The following SNTG2 variants were observed in gnomAD, a reference collection of about 807,000 sequenced individuals.
SNTG2 encodes gamma-2-syntrophin.
In SNTG2, 74 loss-of-function variants were observed where a neutral mutation model predicts 70.9. That is an observed-to-expected ratio of 1.04 (90% confidence interval 0.86 to 1.27). The LOEUF is 1.27. Ranked by LOEUF, SNTG2 falls within the 50% of genes most tolerant of loss-of-function variation. SNTG2 has a pLI of 0.00. For missense variants in SNTG2, 717 were observed against 690.7 expected (o/e 1.04, Z -0.43); for synonymous variants, 278 against 273.8 (o/e 1.02, Z -0.15).
At position 1,259,396 on chromosome 2, in the gene SNTG2, A is replaced by C; in HGVS notation, c.1032A>C (p.Ala344=). The C allele has an allele frequency of 6.2e-7, 1 of 1,614,068 alleles. No individual in the cohort carries two copies. The highest frequency in any genetic ancestry group is 1.1e-5 in the South Asian group (1 of 91,080). Residue 344 remains alanine, a synonymous_variant, in exon 13 of 17, where the codon GCA becomes GCC. Coordinates refer to ENST00000308624, the MANE Select transcript of SNTG2 (RefSeq NM_018968.4). The part of the protein sequence containing the change: ...PPVSTFDWVR[A]ERTYHLCEVL... ...TGAGCACATTCGATTGGGTGCGAGC[A>C]GAAAGGACCTATCACCTCTGTGAGG...
chr2:1,122,123 C>T (rs533986762), intron 4 of SNTG2, among the ~76,000 whole-genome samples: 1 of 152,196 alleles, frequency 6.6e-6, no homozygotes, highest in South Asian at 2.1e-4. Flanking sequence ...CAAATCCTTT[C>T]AACAAAAGAA....
chr2:1,069,661 C>T (rs1465804861), intron 1 of SNTG2, among the ~76,000 whole-genome samples: 4 of 151,962 alleles, frequency 2.6e-5, no homozygotes, highest in South Asian at 2.1e-4. Flanking sequence ...CAGGATGACA[C>T]GTGCCTGTAG....
rs1041033533 is a variant in SNTG2 at position 1,137,937 on chromosome 2, G to A, written c.411+128G>A. The stretch of plus-strand genomic sequence containing the variant: ...TTAGAATTGGAAAGAAAGCTCAAAG[G>A]TTTAGTAAATCATGTTACAAAAGGA... On this transcript the variant is annotated intron_variant, in intron 6 of 16. Coordinates refer to ENST00000308624, the MANE Select transcript of SNTG2 (RefSeq NM_018968.4). 3.2e-5 allele frequency: 31 copies of A among 961,064 alleles called. 1 individual carries two copies. In the South Asian group the frequency reaches 4.2e-4, roughly 13 times the overall value. 59.5% of individuals were successfully genotyped at this position (961,064 alleles called of 1,614,324 possible).
intron 12 of SNTG2, among the ~76,000 whole-genome samples, chr2:1,253,863 CG>C (rs1396519583): frequency 6.6e-6 from 1 of 151,560 alleles, no homozygotes; most frequent in African/African-American, 2.4e-5. Flanking sequence ...AGAGAGGGAG[CG>C]GGAGGAGATG....
chr2:1,155,221 A>C, intron 6 of SNTG2, among the ~76,000 whole-genome samples: 2 of 148,862 alleles, frequency 1.3e-5, no homozygotes, highest in South Asian at 4.3e-4. Context: ...CACACACATA[A>C]ACACCATGCA....
chr2:1,111,219 T>C (rs1220253487), intron 4 of SNTG2, among the ~76,000 whole-genome samples: 1 of 152,180 alleles, frequency 6.6e-6, no homozygotes, highest in East Asian at 1.9e-4. Flanking sequence ...TAATATAAAA[T>C]GGACTTAGTA....
At chr2:995,243 AC>A (rs1661640317) in intron 1 of SNTG2, among the ~76,000 whole-genome samples, 1 of 151,902 alleles carries the variant, frequency 6.6e-6, no homozygotes, top group African/African-American at 2.4e-5. Flanking sequence ...TCTGTTTTAT[AC>A]CTAGTTTGAT....
chr2:1,281,001 C>T (rs1679486479), intron 14 of SNTG2, among the ~76,000 whole-genome samples: 1 of 152,246 alleles, frequency 6.6e-6, no homozygotes, highest in African/African-American at 2.4e-5. Context: ...CCTTATCTAA[C>T]ATCGGTGCCC....
At chr2:1,095,467 C>A (rs555342565) in intron 2 of SNTG2, among the ~76,000 whole-genome samples, 15 of 152,208 alleles carry the variant, frequency 9.9e-5, no homozygotes, top group African/African-American at 1.9e-4. Flanking sequence ...GAGAACAAGC[C>A]CTTCACATTC....
intron 4 of SNTG2, among the ~76,000 whole-genome samples, chr2:1,110,255 A>G (rs1666354363): frequency 6.6e-6 from 1 of 152,120 alleles, no homozygotes; most frequent in Non-Finnish European, 1.5e-5. Flanking sequence ...CCCTTTTCAT[A>G]CCAAAGTCAC....
chr2:968,379 T>G (rs1354733046), intron 1 of SNTG2, among the ~76,000 whole-genome samples: 1 of 152,224 alleles, frequency 6.6e-6, no homozygotes, highest in Non-Finnish European at 1.5e-5. Context: ...TTTTTAAAAA[T>G]AAATCAGTCT....
intron 16 of SNTG2, among the ~76,000 whole-genome samples, chr2:1,363,919 T>C (rs1661333692): frequency 6.6e-6 from 1 of 152,220 alleles, no homozygotes; most frequent in Non-Finnish European, 1.5e-5. Context: ...CATTGAGTTT[T>C]AGTGTGGAAT....
chr2:1,029,869 C>T (rs1660713097), intron 1 of SNTG2, among the ~76,000 whole-genome samples: 1 of 152,222 alleles, frequency 6.6e-6, no homozygotes, highest in Non-Finnish European at 1.5e-5. Flanking sequence ...TCACACCTGA[C>T]CTCTTTCTAG....
At chr2:1,209,258 A>G (rs377536816) in intron 9 of SNTG2, 28 bp downstream of exon 9, 47 of 1,613,338 alleles carry the variant, frequency 2.9e-5, no homozygotes, top group Non-Finnish European at 3.9e-5. Context: ...GAGATGGGAA[A>G]CTTTGATGAA....
chr2:1,166,598 G>C (rs1188375560), intron 7 of SNTG2, among the ~76,000 whole-genome samples: 1 of 152,192 alleles, frequency 6.6e-6, no homozygotes, highest in Non-Finnish European at 1.5e-5. Context: ...CACTGATACA[G>C]GAGGGGGGCA....
At chr2:1,355,967 G>A (rs1176398007) in intron 16 of SNTG2, among the ~76,000 whole-genome samples, 1 of 152,192 alleles carries the variant, frequency 6.6e-6, no homozygotes, top group East Asian at 1.9e-4. Flanking sequence ...TTTCATGTTT[G>A]CTGGCCACTT....
intron 1 of SNTG2, among the ~76,000 whole-genome samples, chr2:953,354 C>G (rs1280074213): frequency 2.6e-5 from 4 of 152,246 alleles, no homozygotes; most frequent in Non-Finnish European, 5.9e-5. Flanking sequence ...TAAATGACAA[C>G]ACTTCTTCAG....
intron 6 of SNTG2, among the ~76,000 whole-genome samples, chr2:1,152,575 CAT>C (rs68073595): frequency 0.83 from 124,307 of 149,404 alleles, 52,522 homozygotes; most frequent in Non-Finnish European, 0.94. Context: ...TGCACATGTG[CAT>C]GTGTGTGTGT....
chr2:1,210,553 G>A (rs7576574), intron 9 of SNTG2: 27,680 of 151,932 alleles, frequency 0.18, 5,007 homozygotes, highest in African/African-American at 0.47. Context: ...TGATGCTGAC[G>A]TAGACAAACC....
Sources: allele counts gnomAD v4.1 joint callset (sites outside exome capture counted in the v4.1 genomes callset), GRCh38; gene constraint gnomAD v4.1.1; transcripts MANE v1.5; gene names NCBI Gene and HGNC (gene_info 2026-07-23, HGNC 2026-07-21).